DAB1: variants seen among roughly 807,000 people sequenced by gnomAD.
DAB1 encodes disabled homolog 1.
In DAB1, 15 loss-of-function variants were observed where a neutral mutation model predicts 64.6. The observed-to-expected ratio is 0.23, with a 90% CI of 0.16 to 0.36. DAB1 has a LOEUF of 0.36. DAB1 is among the 10% of genes least tolerant of loss of function. DAB1 has a pLI of 1.00. For synonymous variants in DAB1, 235 were observed against 251.9 expected, an observed-to-expected ratio of 0.93 and a Z score of 0.64; for missense variants, 596 against 706.7, an observed-to-expected ratio of 0.84 and a Z score of 1.78.
intron 6 of DAB1, among the ~76,000 whole-genome samples, chr1:57,752,041 G>A (rs756450369): frequency 6.6e-6 from 1 of 152,014 alleles, no homozygotes; most frequent in Non-Finnish European, 1.5e-5. Context: ...CCCTTGCCTC[G>A]GCCTGGTCAC....
intron 3 of DAB1, among the ~76,000 whole-genome samples, chr1:58,503,709 G>C (rs112288656): frequency 6.6e-6 from 1 of 152,046 alleles, no homozygotes; most frequent in African/African-American, 2.4e-5. Flanking sequence ...TATGAGCTGG[G>C]AAGTGGGCCC....
rs145319839 is a variant in DAB1 at position 58,043,786 on chromosome 1, G to A, written n.387+106725C>T. On this transcript the variant is annotated intron_variant and non_coding_transcript_variant, in intron 5 of 20. Transcript: ENST00000485760. ...TCTGTCACCCAGGCTCAAGTGCAGT[G>A]GCACGATCTCGGCTTACTGCAACCT... Among the ~76,000 whole-genome samples, 33 of 152,154 alleles carry A rather than the reference G, an allele frequency of 2.2e-4. No homozygotes were observed. The East Asian group carries it at 4.6e-3, about 21-fold the overall frequency.
intron 3 of DAB1, among the ~76,000 whole-genome samples, chr1:58,383,342 G>A (rs375384144): frequency 1.3e-5 from 2 of 152,136 alleles, no homozygotes; most frequent in African/African-American, 4.8e-5. Flanking sequence ...AAAGTTCTAT[G>A]TGCCCCCAAA....
chr1:58,412,688 T>C (rs527790212), intron 3 of DAB1, among the ~76,000 whole-genome samples: 5 of 152,296 alleles, frequency 3.3e-5, no homozygotes, highest in Admixed American at 6.5e-5. Flanking sequence ...AGTATTACAA[T>C]GTCCACTACA....
Position 57,181,311 on chromosome 1 carries a change from C to T in DAB1, c.68-35882G>A, listed in dbSNP as rs544182576. Among the ~76,000 whole-genome samples, 56 of 152,262 alleles carry T rather than the reference C, an allele frequency of 3.7e-4. 1 individual carries two copies. In the South Asian group the frequency reaches 9.8e-3, roughly 27 times the overall value. On this transcript the variant is annotated intron_variant, in intron 2 of 14. Coordinates refer to ENST00000371236, the MANE Select transcript of DAB1 (RefSeq NM_001365792.1). ...GAGGACAGTGAGGCCTCGGACTTGA[C>T]GGTCCTAAGAGTTGCCTTCAAAACT... is the stretch of plus-strand genomic sequence containing the variant.
At chr1:57,663,476 C>A (rs1378044044) in intron 6 of DAB1, among the ~76,000 whole-genome samples, 1 of 152,188 alleles carries the variant, frequency 6.6e-6, no homozygotes, top group Non-Finnish European at 1.5e-5. Context: ...GGCCTCAGAT[C>A]ATCACTTTTT....
chr1:57,713,055 A>G (rs1278923101), intron 6 of DAB1, among the ~76,000 whole-genome samples: 1 of 152,170 alleles, frequency 6.6e-6, no homozygotes, highest in Non-Finnish European at 1.5e-5. Context: ...TCTAATCTGC[A>G]TTTCATCATG....
At chr1:57,154,041 C>T (rs957153269) in intron 2 of DAB1, among the ~76,000 whole-genome samples, 1 of 152,096 alleles carries the variant, frequency 6.6e-6, no homozygotes, top group East Asian at 1.9e-4. Flanking sequence ...AGCATTTATC[C>T]TTTGTGTTAC....
chr1:57,860,531 T>C (rs1236831346), intron 1 of DAB1: 1 of 152,230 alleles, frequency 6.6e-6, no homozygotes, highest in Non-Finnish European at 1.5e-5. Flanking sequence ...CGCTGGTTGC[T>C]AGGTAACGTC....
chr1:58,330,188 T>C (rs141536082), intron 4 of DAB1, among the ~76,000 whole-genome samples: 5 of 152,328 alleles, frequency 3.3e-5, no homozygotes, highest in Non-Finnish European at 5.9e-5. Context: ...AATCCTGATA[T>C]AGAGAAAGTT....
At chr1:57,283,881 A>T (rs1412698225) in intron 2 of DAB1, among the ~76,000 whole-genome samples, 2 of 152,164 alleles carry the variant, frequency 1.3e-5, no homozygotes, top group East Asian at 3.9e-4. Flanking sequence ...TTGAGACCTC[A>T]CCTGTGACAA....
rs1202909993 is a variant in DAB1 at position 56,997,685 on chromosome 1, T to C, written c.*459A>G. 1 of 152,200 alleles carries C rather than the reference T, an allele frequency of 6.6e-6. No individual in the cohort carries two copies. The highest frequency in any genetic ancestry group is 1.5e-5 in the Non-Finnish European group (1 of 68,036). 9.4% of individuals were successfully genotyped at this position (152,200 alleles called of 1,614,324 possible). A position where few individuals can be genotyped will look rare whatever the true frequency, so the allele number is the denominator to read the frequency against. ...GTGGTCACAGAAGACCCTTTGCTTTTGCTTAAAGAAGTCAGTTCCAACCCT... is the reference window on the plus strand; with the variant it reads ...GTGGTCACAGAAGACCCTTTGCTTTCGCTTAAAGAAGTCAGTTCCAACCCT... On this transcript the variant is annotated 3_prime_UTR_variant, in exon 15 of 15. Coordinates refer to ENST00000371236, the MANE Select transcript of DAB1 (RefSeq NM_001365792.1).
chr1:57,094,926 C>T (rs946136110), intron 4 of DAB1, among the ~76,000 whole-genome samples: 10 of 152,172 alleles, frequency 6.6e-5, no homozygotes, highest in Non-Finnish European at 1.5e-4. Flanking sequence ...GGGCTTCCCA[C>T]ATACCTCGAT....
intron 6 of DAB1, among the ~76,000 whole-genome samples, chr1:57,742,157 C>G (rs1003153930): frequency 2.6e-5 from 4 of 151,934 alleles, no homozygotes; most frequent in African/African-American, 9.7e-5. Flanking sequence ...TTTTTTTGGG[C>G]TCCTCAGCCC....
chr1:57,485,908 T>C (rs2805878), intron 7 of DAB1, among the ~76,000 whole-genome samples: 3,345 of 152,284 alleles, frequency 0.022, 135 homozygotes, highest in African/African-American at 0.075. Flanking sequence ...GCTGCCAAGA[T>C]ATAAGGCGGC....
At chr1:57,985,647 G>A (rs1385915520) in intron 5 of DAB1, among the ~76,000 whole-genome samples, 6 of 149,916 alleles carry the variant, frequency 4.0e-5, no homozygotes, top group African/African-American at 4.9e-5. Context: ...CCTCAAGAAA[G>A]AAAAAAAAAA....
At chr1:57,875,623 C>T (rs1021912364) in intron 1 of DAB1, among the ~76,000 whole-genome samples, 1 of 152,114 alleles carries the variant, frequency 6.6e-6, no homozygotes, top group South Asian at 2.1e-4. Context: ...TTGTGTCTTG[C>T]TGACAGACTA....
At chr1:58,268,946 G>A (rs968450057) in intron 4 of DAB1, among the ~76,000 whole-genome samples, 9 of 152,156 alleles carry the variant, frequency 5.9e-5, no homozygotes, top group African/African-American at 1.9e-4. Flanking sequence ...TAAAAGCCCA[G>A]AAATAAACCT....
chr1:58,095,705 G>A (rs1279835175), intron 5 of DAB1, among the ~76,000 whole-genome samples: 2 of 152,086 alleles, frequency 1.3e-5, no homozygotes, highest in Admixed American at 6.6e-5. Flanking sequence ...TGTGGAACTG[G>A]GTCACAAGGA....
Sources: gnomAD v4.1 joint callset for allele counts (sites outside exome capture counted in the v4.1 genomes callset) on GRCh38, gnomAD v4.1.1 for gene constraint, MANE v1.5 for transcripts, NCBI Gene and HGNC (gene_info 2026-07-23, HGNC 2026-07-21) for gene names.